Variants in DPP10 observed in about 807,000 individuals in gnomAD.
The protein encoded by DPP10 is dipeptidyl peptidase like 10, also known as inactive dipeptidyl peptidase 10.
Under a neutral mutation model 120.9 loss-of-function variants are expected in DPP10, and 33 were observed. That is an observed-to-expected ratio of 0.27 (90% confidence interval 0.21 to 0.37). The LOEUF (loss-of-function observed/expected upper bound fraction) is 0.37. DPP10 is among the 10% of genes least tolerant of loss of function. The pLI, the probability that DPP10 is intolerant of heterozygous loss-of-function variation, is 1.00. For missense variants in DPP10, 816 were observed against 942.8 expected (o/e 0.87, Z 1.76); for synonymous variants, 337 against 326.1 (o/e 1.03, Z -0.36).
At chr2:115,648,612 TAAAA>T (rs771052298) in intron 5 of DPP10, among the ~76,000 whole-genome samples, 4 of 137,974 alleles carry the variant, frequency 2.9e-5, no homozygotes, top group Non-Finnish European at 6.3e-5. Context: ...CCCCGGAACT[TAAAA>T]AAAAAAAAAA....
At chr2:114,756,315 G>A (rs1679741751) in intron 1 of DPP10, among the ~76,000 whole-genome samples, 1 of 152,168 alleles carries the variant, frequency 6.6e-6, no homozygotes, top group South Asian at 2.1e-4. Context: ...CTTTCCCTGG[G>A]GGATCTGCAA....
chr2:115,270,102 ACAC>A, intron 1 of DPP10, among the ~76,000 whole-genome samples: 1 of 149,492 alleles, frequency 6.7e-6, no homozygotes, highest in Non-Finnish European at 1.5e-5. Flanking sequence ...ACACACACAC[ACAC>A]ACACACACAG....
intron 3 of DPP10, among the ~76,000 whole-genome samples, chr2:115,380,803 C>T (rs1279209017): frequency 1.3e-5 from 2 of 151,984 alleles, no homozygotes; most frequent in African/African-American, 2.4e-5. Context: ...ATTTCTCCTT[C>T]ACTTATGAAG....
intron 5 of DPP10, among the ~76,000 whole-genome samples, chr2:115,568,554 T>A (rs78489229): frequency 2.1e-3 from 1 of 480 alleles, no homozygotes; most frequent in Non-Finnish European, 0.022. Flanking sequence ...GAGGTTGATC[T>A]TTTTTTTTTT....
intron 1 of DPP10, among the ~76,000 whole-genome samples, chr2:114,985,368 T>C (rs1700331287): frequency 6.6e-6 from 1 of 152,204 alleles, no homozygotes; most frequent in Non-Finnish European, 1.5e-5. Flanking sequence ...TTCTATCACA[T>C]CACCATATTT....
At chr2:114,969,513 G>A (rs1699254287) in intron 1 of DPP10, among the ~76,000 whole-genome samples, 1 of 152,160 alleles carries the variant, frequency 6.6e-6, no homozygotes, top group South Asian at 2.1e-4. Context: ...AATGAGTCAA[G>A]AATTCTTTTA....
chr2:114,451,689 G>T (rs1404523074), intron 1 of DPP10, among the ~76,000 whole-genome samples: 2 of 152,096 alleles, frequency 1.3e-5, no homozygotes, highest in Non-Finnish European at 2.9e-5. Flanking sequence ...CATGGAGCTG[G>T]ACTTTGTGTT....
intron 4 of DPP10, among the ~76,000 whole-genome samples, chr2:115,502,585 G>T (rs373881812): frequency 6.6e-6 from 1 of 152,122 alleles, no homozygotes; most frequent in African/African-American, 2.4e-5. Flanking sequence ...TGAAAATACC[G>T]GCAGCTATAA....
intron 1 of DPP10, among the ~76,000 whole-genome samples, chr2:114,582,792 A>G (rs968835242): frequency 2.0e-5 from 3 of 151,610 alleles, no homozygotes; most frequent in Non-Finnish European, 4.4e-5. Flanking sequence ...CAGGTTGTTC[A>G]TTTTCTTACT....
At chr2:115,199,673 T>C (rs1433783868) in intron 1 of DPP10, among the ~76,000 whole-genome samples, 1 of 151,920 alleles carries the variant, frequency 6.6e-6, no homozygotes. Flanking sequence ...TACATTACTT[T>C]TTCTTTTATT....
chr2:115,840,543 C>G (rs1006037608), intron 24 of DPP10, among the ~76,000 whole-genome samples: 1 of 151,702 alleles, frequency 6.6e-6, no homozygotes, highest in Non-Finnish European at 1.5e-5. Context: ...CCAGGATGGT[C>G]TCGATCTCCT....
At chr2:115,557,921 G>A (rs928008963) in intron 5 of DPP10, among the ~76,000 whole-genome samples, 48 of 152,146 alleles carry the variant, frequency 3.2e-4, no homozygotes, top group African/African-American at 1.0e-3. Flanking sequence ...GCTCAAAATG[G>A]ATAATCAACA....
chr2:114,479,804 G>A (rs1036416247), intron 1 of DPP10, among the ~76,000 whole-genome samples: 3 of 152,144 alleles, frequency 2.0e-5, no homozygotes, highest in African/African-American at 7.2e-5. Flanking sequence ...ATAGGCATGG[G>A]CAAGGACTTC....
Position 114,894,761 on chromosome 2 carries a change from C to T in DPP10, c.61-414478C>T, listed in dbSNP as rs1692827421. On this transcript the variant is annotated intron_variant, in intron 1 of 25. Coordinates refer to ENST00000410059, the MANE Select transcript of DPP10 (RefSeq NM_020868.6). ...CTACCTATAACTTACCAGCAGAAAA[C>T]TTAAAAATAACTACATTATTATATT... is the stretch of plus-strand genomic sequence containing the variant. 2.0e-5 allele frequency among the ~76,000 whole-genome samples: 3 copies of T among 151,876 alleles called. No homozygotes were observed. The South Asian group carries it at 6.2e-4, about 32-fold the overall frequency.
At chr2:115,575,172 C>T (rs562923389) in intron 5 of DPP10, among the ~76,000 whole-genome samples, 1 of 152,296 alleles carries the variant, frequency 6.6e-6, no homozygotes, top group African/African-American at 2.4e-5. Context: ...GGCTGAGCAG[C>T]TGTACCGAGT....
At chr2:115,188,143 A>T (rs544118347) in intron 1 of DPP10, among the ~76,000 whole-genome samples, 1 of 152,260 alleles carries the variant, frequency 6.6e-6, no homozygotes, top group South Asian at 2.1e-4. Flanking sequence ...AATTTTGCTG[A>T]TCAAGGAAGG....
chr2:115,161,058 T>C (rs1168688628), intron 1 of DPP10: 2 of 152,210 alleles, frequency 1.3e-5, no homozygotes, highest in African/African-American at 4.8e-5. Flanking sequence ...AAGAAATGAG[T>C]ATCAGAGTCT....
intron 2 of DPP10, among the ~76,000 whole-genome samples, chr2:115,331,369 C>A (rs931339616): frequency 5.3e-5 from 8 of 152,170 alleles, no homozygotes; most frequent in Admixed American, 4.6e-4. Context: ...CATCTGCAAA[C>A]AAGGACAATT....
At chr2:115,687,511 A>ATAGATAGATAGATAGATAGATAGG (rs1553480045) in intron 5 of DPP10, among the ~76,000 whole-genome samples, 4 of 152,044 alleles carry the variant, frequency 2.6e-5, no homozygotes, top group African/African-American at 7.2e-5. Flanking sequence ...AGATAGATAG[A>ATAGATAGATAGATAGATAGATAGG]TAGATAGATA....
Sources: allele counts gnomAD v4.1 joint callset (sites outside exome capture counted in the v4.1 genomes callset), GRCh38; gene constraint gnomAD v4.1.1; transcripts MANE v1.5; gene names NCBI Gene and HGNC (gene_info 2026-07-23, HGNC 2026-07-21).